ZMIZ1: variants seen among roughly 807,000 people sequenced by gnomAD.
The protein encoded by ZMIZ1 is zinc finger MIZ-type containing 1.
ZMIZ1 carries 17 observed loss-of-function variants against 113.9 expected under a neutral mutation model. That is an observed-to-expected ratio of 0.15 (90% CI 0.10 to 0.22). The LOEUF is 0.22. Ranked by LOEUF, ZMIZ1 falls within the 10% of genes least tolerant of loss-of-function variation. The pLI, the probability that ZMIZ1 is intolerant of heterozygous loss-of-function variation, is 1.00. For missense variants in ZMIZ1, 1,059 were observed against 1,477.8 expected (o/e 0.72, Z 4.65); for synonymous variants, 607 against 603.1 (o/e 1.01, Z -0.09).
chr10:79,160,569 G>A (rs1470413345), intron 3 of ZMIZ1, among the ~76,000 whole-genome samples: 2 of 152,262 alleles, frequency 1.3e-5, no homozygotes, highest in South Asian at 4.1e-4. Context: ...CTTAAGAAAC[G>A]TGTCCAAGTC....
At chr10:79,293,726 G>T in intron 12 of ZMIZ1, 73 bp downstream of exon 12, 1 of 1,606,064 alleles carries the variant, frequency 6.2e-7, no homozygotes, top group Non-Finnish European at 8.5e-7. Flanking sequence ...CCGTGGGTAC[G>T]GCTTTGGAAG....
At chr10:79,207,921 C>T (rs1420128357) in intron 5 of ZMIZ1, among the ~76,000 whole-genome samples, 1 of 151,812 alleles carries the variant, frequency 6.6e-6, no homozygotes, top group African/African-American at 2.4e-5. Flanking sequence ...CTCCCGGAAC[C>T]CTGCAGGGAT....
chr10:79,101,838 C>T (rs879598409), intron 1 of ZMIZ1, among the ~76,000 whole-genome samples: 4 of 152,196 alleles, frequency 2.6e-5, no homozygotes, highest in Non-Finnish European at 4.4e-5. Context: ...GAGATTCCAC[C>T]GTTGTCCCTC....
chr10:79,265,073 C>G (rs185081947), intron 7 of ZMIZ1, among the ~76,000 whole-genome samples: 5 of 152,334 alleles, frequency 3.3e-5, no homozygotes, highest in Admixed American at 2.6e-4. Context: ...CCTGACGGCT[C>G]TGAGGTTCCC....
Position 79,118,374 on chromosome 10 carries a change from A to G in ZMIZ1, c.-336-541A>G, listed in dbSNP as rs974220468. On this transcript the variant is annotated intron_variant, in intron 1 of 24. Transcript: ENST00000334512. This position sits in a 1 kb window ranked among gnomAD's most constrained non-coding sequence, Gnocchi z 4.1. ...CAGAGAGAAACTAGACTTCACTCCCAATGTCCAGGAGCTGGGCCTGGAGCG... is the reference window on the plus strand; with the variant it reads ...CAGAGAGAAACTAGACTTCACTCCCGATGTCCAGGAGCTGGGCCTGGAGCG... Among the ~76,000 whole-genome samples, 6 of 152,274 alleles carry G rather than the reference A, an allele frequency of 3.9e-5. No homozygotes were observed. The highest frequency in any genetic ancestry group is 1.2e-4 in the African/African-American group (5 of 41,546).
chr10:79,315,343 T>A lies in ZMIZ1; in HGVS notation c.*2594T>A, dbSNP rs1019394737. On this transcript the variant is annotated 3_prime_UTR_variant, in exon 25 of 25. Transcript: ENST00000334512. ...AGCCCCAGGTTGTGACAGGTGCAGGTAGACAACGCCCATAAACAGAGATGG... is the reference window on the plus strand; with the variant it reads ...AGCCCCAGGTTGTGACAGGTGCAGGAAGACAACGCCCATAAACAGAGATGG... 6.5e-6 allele frequency: 1 copy of A among 152,834 alleles called. No homozygotes were observed. Among genetic ancestry groups the A allele is most frequent in the East Asian group, 1.9e-4 (1 of 5,338 alleles). 9.5% of individuals were successfully genotyped at this position (152,834 alleles called of 1,614,324 possible).
rs1842158284 is a variant in ZMIZ1 at position 79,069,136 on chromosome 10, C to CAGCCGGCGCGGAGCAGG, written c.-464_-448dup. On this transcript the variant is annotated 5_prime_UTR_variant, in exon 1 of 25. Transcript: ENST00000334512. This position sits in a 1 kb window ranked among gnomAD's most constrained non-coding sequence, Gnocchi z 4.6. ...CGGCGCAGCGCGGTGACCCCAGCCCCAGCCGGCGCGGAGCAGGAGCCGGAG... is the reference window on the plus strand; with the variant it reads ...CGGCGCAGCGCGGTGACCCCAGCCCCAGCCGGCGCGGAGCAGGAGCCGGCGCGGAGCAGGAGCCGGAG... 6.7e-6 allele frequency: 1 copy of CAGCCGGCGCGGAGCAGG among 150,222 alleles called. No homozygotes were observed. The highest frequency in any genetic ancestry group is 1.5e-5 in the Non-Finnish European group (1 of 67,278). The allele number at this position is 150,222 out of a possible 1,614,324, so 9.3% of individuals were successfully genotyped here.
At position 79,303,010 on chromosome 10, in the gene ZMIZ1, C is replaced by T. The variant is rs947589019; in HGVS notation, c.2125+798C>T. On this transcript the variant is annotated intron_variant, in intron 18 of 24. Coordinates refer to ENST00000334512, the MANE Select transcript of ZMIZ1 (RefSeq NM_020338.4). ...CCGAGTAGCTGGGACTACAGGCGCC[C>T]ACCACCGCACCTGGCTAATTTTTTG... 7.2e-5 allele frequency among the ~76,000 whole-genome samples: 11 copies of T among 152,050 alleles called. No individual in the cohort carries two copies. In the East Asian group the frequency reaches 2.1e-3, roughly 30 times the overall value.
intron 2 of ZMIZ1, among the ~76,000 whole-genome samples, chr10:79,131,395 G>C (rs1461544075): frequency 6.6e-6 from 1 of 152,100 alleles, no homozygotes; most frequent in Non-Finnish European, 1.5e-5. Flanking sequence ...GGTTTTTCAG[G>C]GGGTTTATCT....
intron 2 of ZMIZ1, among the ~76,000 whole-genome samples, chr10:79,138,811 A>C (rs1242943963): frequency 6.6e-6 from 1 of 152,260 alleles, no homozygotes; most frequent in East Asian, 1.9e-4. Context: ...AAAGAGTATC[A>C]GAAATATATA....
At chr10:79,136,254 C>G (rs1455428718) in intron 2 of ZMIZ1, among the ~76,000 whole-genome samples, 1 of 152,226 alleles carries the variant, frequency 6.6e-6, no homozygotes, top group Non-Finnish European at 1.5e-5. Flanking sequence ...TTTGGCAAAC[C>G]TTCCCCCTCT....
chr10:79,225,452 G>A (rs930963660), intron 7 of ZMIZ1, among the ~76,000 whole-genome samples: 3 of 152,092 alleles, frequency 2.0e-5, no homozygotes, highest in Admixed American at 6.6e-5. Context: ...GGTGATGGCC[G>A]GGTGCAGTGG....
At chr10:79,126,763 G>C (rs1236417049) in intron 2 of ZMIZ1, among the ~76,000 whole-genome samples, 1 of 152,210 alleles carries the variant, frequency 6.6e-6, no homozygotes, top group Admixed American at 6.5e-5. Context: ...GGCACCTGGG[G>C]AGCCACAGCA....
intron 7 of ZMIZ1, among the ~76,000 whole-genome samples, chr10:79,244,773 T>A (rs1392807960): frequency 6.6e-6 from 1 of 152,094 alleles, no homozygotes; most frequent in Non-Finnish European, 1.5e-5. Flanking sequence ...GAGTCAGAAA[T>A]CTGGCTGAGG....
Position 79,289,762 on chromosome 10 carries a change from T to C in ZMIZ1, c.426-13T>C. ...GCCAGGCCCTGAAGATCTCCCTCTG[T>C]CTCCCTCTGCAGTGATGGGTCGTTC... On this transcript the variant is annotated splice_polypyrimidine_tract_variant and intron_variant, in intron 8 of 24. Transcript: ENST00000334512. 6.2e-7 allele frequency: 1 copy of C among 1,611,196 alleles called. No homozygotes were observed. The highest frequency in any genetic ancestry group is 8.5e-7 in the Non-Finnish European group (1 of 1,177,718).
At chr10:79,287,555 A>G (rs1853165468) in intron 8 of ZMIZ1, among the ~76,000 whole-genome samples, 1 of 152,236 alleles carries the variant, frequency 6.6e-6, no homozygotes, top group African/African-American at 2.4e-5. Flanking sequence ...AACCTATTTG[A>G]CCAAGATCCA....
At chr10:79,099,288 G>C (rs766214500) in intron 1 of ZMIZ1, among the ~76,000 whole-genome samples, 1 of 152,128 alleles carries the variant, frequency 6.6e-6, no homozygotes, top group Non-Finnish European at 1.5e-5. Context: ...AGCGCTCCTT[G>C]AGAGTGCCCT....
intron 23 of ZMIZ1, among the ~76,000 whole-genome samples, chr10:79,310,621 G>T (rs905759178): frequency 2.0e-5 from 3 of 151,998 alleles, no homozygotes; most frequent in Non-Finnish European, 4.4e-5. Context: ...AGGTGGAGGG[G>T]CCTGGGGGAG....
chr10:79,216,123 C>T (rs750067805), intron 6 of ZMIZ1, 46 bp from the exon 7 acceptor site: 9 of 1,398,340 alleles, frequency 6.4e-6, no homozygotes, highest in African/African-American at 1.5e-5. Flanking sequence ...TATCCATTGG[C>T]TCTGGGCTCC....
Sources: gnomAD v4.1 joint callset for allele counts (sites outside exome capture counted in the v4.1 genomes callset) on GRCh38, gnomAD v4.1.1 for gene constraint, Gnocchi (gnomAD v3.1) non-coding constraint, MANE v1.5 for transcripts, NCBI Gene and HGNC (gene_info 2026-07-23, HGNC 2026-07-21) for gene names.